Variants in LRIG2 observed in about 807,000 individuals in gnomAD.
LRIG2 encodes the protein leucine rich repeats and immunoglobulin like domains 2.
LRIG2 carries 93 observed loss-of-function variants against 107.8 expected under a neutral mutation model. The ratio of observed to expected loss-of-function variants is 0.86; its 90% CI spans 0.73 to 1.03. LRIG2 has a LOEUF of 1.03. Among genes scored for constraint, LRIG2 ranks in the 50% least tolerant of loss-of-function variants. The probability of loss-of-function intolerance (pLI) is 0.00; values close to 1 mark genes in which losing one functional copy is unlikely to be tolerated. For synonymous variants in LRIG2, 471 were observed against 470.6 expected (o/e 1.00, Z -0.01); for missense variants, 1,226 against 1,296.0 (o/e 0.95, Z 0.83).
chr1:113,107,627 C>T lies in LRIG2; in HGVS notation c.1347C>T (p.Cys449=). Residue 449 remains cysteine (C), a synonymous_variant, in exon 12 of 18, where the codon TGC becomes TGT. Coordinates refer to ENST00000361127, the MANE Select transcript of LRIG2 (RefSeq NM_014813.3). Reference sequence around the variant, plus strand: ...ACACAAGCAGTTTGCTCTGTGACTGCCATTTGAAGTGGCTACTTCAATGGT... The same window carrying T: ...ACACAAGCAGTTTGCTCTGTGACTGTCATTTGAAGTGGCTACTTCAATGGT... ...ILNTSSLLCD[C]HLKWLLQWLV... 2 of 1,613,102 alleles carry T rather than the reference C, an allele frequency of 1.2e-6. No homozygotes were observed. Among genetic ancestry groups the T allele is most frequent in the Non-Finnish European group, 1.7e-6 (2 of 1,179,720 alleles).
rs1472568832 is a variant in LRIG2, at chr1:113,128,576, CATTTGTTCGAGTAGAACAAGAGTG to C, written c.*4478_*4501del. ...CTTTAATAAAAAGCTGCTTTGGTGA[CATTTGTTCGAGTAGAACAAGAGTG>C]ATGCTGCTCATTCTGACTTGAGCCA... is the stretch of plus-strand genomic sequence containing the variant. On this transcript the variant is annotated 3_prime_UTR_variant, in exon 18 of 18. Coordinates refer to ENST00000361127, the MANE Select transcript of LRIG2 (RefSeq NM_014813.3). 1 of 152,188 alleles carries C rather than the reference CATTTGTTCGAGTAGAACAAGAGTG, an allele frequency of 6.6e-6. No individual in the cohort carries two copies. Among genetic ancestry groups the C allele is most frequent in the African/African-American group, 2.4e-5 (1 of 41,438 alleles). The allele number at this position is 152,188 out of a possible 1,614,324, so 9.4% of individuals were successfully genotyped here.
chr1:113,125,304 T>C lies in LRIG2; in HGVS notation c.*1203T>C, dbSNP rs541043192. ...CGCCTTCTTCATGCCTAGAGGTTCA[T>C]ACTTCTGGTCATTTGCCATCTGTTT... is the stretch of plus-strand genomic sequence containing the variant. On this transcript the variant is annotated 3_prime_UTR_variant, in exon 18 of 18. Transcript: ENST00000361127. 4.6e-5 allele frequency: 7 copies of C among 152,388 alleles called. No homozygotes were observed. The South Asian group carries it at 1.4e-3, about 32-fold the overall frequency. 9.4% of individuals were successfully genotyped at this position (152,388 alleles called of 1,614,324 possible). A position where few individuals can be genotyped will look rare whatever the true frequency, so the allele number is the denominator to read the frequency against.
intron 1 of LRIG2, among the ~76,000 whole-genome samples, chr1:113,074,196 A>G (rs1414260051): frequency 6.6e-6 from 1 of 152,228 alleles, no homozygotes; most frequent in African/African-American, 2.4e-5. Context: ...ATTATGATGA[A>G]TCAGGAGATC....
chr1:113,080,908 A>G (rs1255503598), intron 1 of LRIG2, among the ~76,000 whole-genome samples: 1 of 148,796 alleles, frequency 6.7e-6, no homozygotes, highest in Non-Finnish European at 1.5e-5. Flanking sequence ...CAATGGCACA[A>G]TGTTGGCTCA....
intron 1 of LRIG2, among the ~76,000 whole-genome samples, chr1:113,088,080 T>C (rs1653638210): frequency 6.6e-6 from 1 of 152,236 alleles, no homozygotes; most frequent in South Asian, 2.1e-4. Flanking sequence ...TGATGTATAT[T>C]AGTTGCTTTC....
chr1:113,101,288 G>A (rs1018166135), intron 11 of LRIG2, among the ~76,000 whole-genome samples: 5 of 152,092 alleles, frequency 3.3e-5, no homozygotes, highest in African/African-American at 4.8e-5. Context: ...AGCTGGTCTC[G>A]AACTCCTGAC....
Position 113,129,374 on chromosome 1 carries a change from C to T in LRIG2, c.*5273C>T, listed in dbSNP as rs1234808726. ...CTCTGCTCTAGCAGTGGTCCTTCTA[C>T]TGACAGTGCTGTCAGAGTCTGGTCT... is the stretch of plus-strand genomic sequence containing the variant. On this transcript the variant is annotated 3_prime_UTR_variant, in exon 18 of 18. Coordinates refer to ENST00000361127, the MANE Select transcript of LRIG2 (RefSeq NM_014813.3). 5 of 149,022 alleles carry T rather than the reference C, an allele frequency of 3.4e-5. No individual in the cohort carries two copies. Among genetic ancestry groups the T allele is most frequent in the Non-Finnish European group, 5.9e-5 (4 of 67,598 alleles). 9.2% of individuals were successfully genotyped at this position (149,022 alleles called of 1,614,324 possible). A position where few individuals can be genotyped will look rare whatever the true frequency, so the allele number is the denominator to read the frequency against.
Position 113,100,245 on chromosome 1 carries a change from A to G in LRIG2, c.1207A>G (p.Lys403Glu), listed in dbSNP as rs2101043148. The G allele has an allele frequency of 1.3e-6, 2 of 1,589,684 alleles. No homozygotes were observed. The highest frequency in any genetic ancestry group is 8.6e-7 in the Non-Finnish European group (1 of 1,162,316). ...LQGNQIKSITKKAFIGLESLE... is the reference protein window; with the variant it reads ...LQGNQIKSITEKAFIGLESLE... Reference sequence around the variant, plus strand: ...AGGAAACCAGATTAAGTCAATTACAAAGAAAGCATTCATTGGTCTTGAATC... The same window carrying G: ...AGGAAACCAGATTAAGTCAATTACAGAGAAAGCATTCATTGGTCTTGAATC... Residue 403 changes from lysine (K) to glutamate (E), a missense_variant, in exon 10 of 18, where the codon AAG becomes GAG. Coordinates refer to ENST00000361127, the MANE Select transcript of LRIG2 (RefSeq NM_014813.3).
rs1655515055 is a variant in LRIG2 at position 113,127,209 on chromosome 1, C to G, written c.*3108C>G. 6.6e-6 allele frequency: 1 copy of G among 151,926 alleles called. No individual in the cohort carries two copies. The highest frequency in any genetic ancestry group is 6.6e-5 in the Admixed American group (1 of 15,232). The allele number at this position is 151,926 out of a possible 1,614,324, so 9.4% of individuals were successfully genotyped here. On this transcript the variant is annotated 3_prime_UTR_variant, in exon 18 of 18. Transcript: ENST00000361127. ...GTGCTCTTGGGAGTAGAAGAACATG[C>G]AAACATTCTTTTTTCTTTATTATTA...
At chr1:113,104,784 C>A (rs530504047) in intron 11 of LRIG2, among the ~76,000 whole-genome samples, 3 of 152,210 alleles carry the variant, frequency 2.0e-5, no homozygotes, top group South Asian at 2.1e-4. Flanking sequence ...CCTAACTCTA[C>A]CATTTATTTT....
chr1:113,085,799 A>C (rs1053410626), intron 1 of LRIG2, among the ~76,000 whole-genome samples: 1 of 152,190 alleles, frequency 6.6e-6, no homozygotes, highest in African/African-American at 2.4e-5. Context: ...CCTGTTACAG[A>C]AAGGAAGACT....
intron 13 of LRIG2, among the ~76,000 whole-genome samples, chr1:113,112,264 G>A (rs561718997): frequency 3.3e-5 from 5 of 152,020 alleles, no homozygotes; most frequent in African/African-American, 7.2e-5. Flanking sequence ...GTGTACTCCC[G>A]CCTGGACAGC....
intron 16 of LRIG2, among the ~76,000 whole-genome samples, chr1:113,117,096 G>T (rs1655053603): frequency 6.6e-6 from 1 of 152,178 alleles, no homozygotes; most frequent in African/African-American, 2.4e-5. Context: ...AACACGTAGA[G>T]ATGCGTACCC....
In LRIG2 at chr1:113,073,574, C is replaced by T. The variant is rs1192899523; in HGVS notation, c.168C>T (p.Cys56=). The change falls in exon 1 of 18, where the codon TGC becomes TGT. Residue 56 remains cysteine, a synonymous_variant. Transcript: ENST00000361127. The part of the protein sequence containing the change: ...PCSCRIPLLD[C]SRRKLPAPSW... ...CCTGCCGCATTCCTCTCCTGGACTGCAGTCGCAGGAAATTGCCCGCACCGA... is the reference window on the plus strand; with the variant it reads ...CCTGCCGCATTCCTCTCCTGGACTGTAGTCGCAGGAAATTGCCCGCACCGA... 2 of 1,613,882 alleles carry T rather than the reference C, an allele frequency of 1.2e-6. No homozygotes were observed. The highest frequency in any genetic ancestry group is 1.6e-4 in the Middle Eastern group (1 of 6,082).
intron 12 of LRIG2, among the ~76,000 whole-genome samples, chr1:113,109,659 C>A (rs932915334): frequency 1.5e-4 from 23 of 152,126 alleles, no homozygotes; most frequent in African/African-American, 5.6e-4. Flanking sequence ...GCTGGGATTA[C>A]AGGCGGCCGC....
At chr1:113,094,263 A>AT in intron 4 of LRIG2, 76 bp from the exon 5 acceptor site, 1 of 1,102,698 alleles carries the variant, frequency 9.1e-7, no homozygotes, top group South Asian at 1.6e-5. Context: ...TTAGACATAG[A>AT]TTTTTGGCAG....
chr1:113,093,172 C>G (rs767943042), intron 2 of LRIG2, 34 bp from the exon 3 acceptor site: 3 of 1,373,346 alleles, frequency 2.2e-6, no homozygotes, highest in Non-Finnish European at 2.0e-6. Context: ...ATTTCCCTCA[C>G]TAAACATTTA....
intron 1 of LRIG2, among the ~76,000 whole-genome samples, chr1:113,081,994 TA>T (rs1236160552): frequency 6.6e-6 from 1 of 152,158 alleles, no homozygotes; most frequent in Non-Finnish European, 1.5e-5. Flanking sequence ...ATTAAGTAAA[TA>T]AAAGACGTAG....
chr1:113,110,596 TAGA>T, intron 13 of LRIG2, 34 bp downstream of exon 13: 1 of 1,474,264 alleles, frequency 6.8e-7, no homozygotes, highest in Non-Finnish European at 9.3e-7. Flanking sequence ...TTTTTTAGTT[TAGA>T]AGGATTTTTC....
Sources: allele counts gnomAD v4.1 joint callset (sites outside exome capture counted in the v4.1 genomes callset), GRCh38; gene constraint gnomAD v4.1.1; transcripts MANE v1.5; gene names NCBI Gene and HGNC (gene_info 2026-07-23, HGNC 2026-07-21).